POLE2: variants seen among roughly 807,000 people sequenced by gnomAD.
POLE2 encodes DNA polymerase epsilon subunit 2.
A neutral mutation model predicts 79.4 loss-of-function variants in POLE2; 56 were observed. That is an observed-to-expected ratio of 0.71 (90% CI 0.57 to 0.88). The LOEUF is 0.88. POLE2 is among the 40% of genes least tolerant of loss of function. The pLI is 0.00. For missense variants in POLE2, 598 were observed against 638.9 expected (o/e 0.94, Z 0.69); for synonymous variants, 212 against 214.0 (o/e 0.99, Z 0.08).
intron 17 of POLE2, among the ~76,000 whole-genome samples, chr14:49,648,158 G>A (rs1372018081): frequency 6.6e-6 from 1 of 152,166 alleles, no homozygotes; most frequent in Non-Finnish European, 1.5e-5. Flanking sequence ...ACATACAATT[G>A]TTTGTCTACT....
At chr14:49,664,494 AG>A in intron 9 of POLE2, 131 bp downstream of exon 9, 1 of 692,378 alleles carries the variant, frequency 1.4e-6, no homozygotes, top group East Asian at 2.5e-5. Flanking sequence ...ACAGTCTAAG[AG>A]TTATTTTGCC....
chr14:49,644,713 T>C (rs35116175), intron 18 of POLE2, among the ~76,000 whole-genome samples: 448 of 152,054 alleles, frequency 2.9e-3, no homozygotes, highest in Non-Finnish European at 4.4e-3. Flanking sequence ...TATTTAGATA[T>C]ATATACATTT....
At chr14:49,655,128 T>C in intron 11 of POLE2, 34 bp from the exon 12 acceptor site, 2 of 1,041,736 alleles carry the variant, frequency 1.9e-6, no homozygotes, top group Non-Finnish European at 1.4e-6. Context: ...ACAATACTTT[T>C]CTAGTCTACA....
chr14:49,663,532 G>T, intron 9 of POLE2, 145 bp from the exon 10 acceptor site: 1 of 445,414 alleles, frequency 2.2e-6, no homozygotes, highest in Non-Finnish European at 4.0e-6. Flanking sequence ...GAACCACAGT[G>T]AACAACTTTA....
intron 2 of POLE2, among the ~76,000 whole-genome samples, chr14:49,682,425 T>C (rs1448911676): frequency 1.3e-5 from 2 of 151,506 alleles, no homozygotes; most frequent in African/African-American, 2.4e-5. Context: ...TCACCTGAAG[T>C]TGGCGGTTCG....
At chr14:49,686,474 A>G (rs1033129472) in intron 1 of POLE2, among the ~76,000 whole-genome samples, 3 of 152,188 alleles carry the variant, frequency 2.0e-5, no homozygotes, top group African/African-American at 7.2e-5. Context: ...TGTCTGGACA[A>G]CATTTGAGAT....
intron 1 of POLE2, 32 bp from the exon 2 acceptor site, chr14:49,683,725 C>A: frequency 9.0e-7 from 1 of 1,114,392 alleles, no homozygotes; most frequent in South Asian, 1.4e-5. Flanking sequence ...TGAGGCAGGT[C>A]ATTAGTAATT....
intron 3 of POLE2, among the ~76,000 whole-genome samples, chr14:49,678,120 T>C (rs756739355): frequency 6.6e-6 from 1 of 151,822 alleles, no homozygotes; most frequent in Non-Finnish European, 1.5e-5. Flanking sequence ...CTGCCTCAGC[T>C]TCCCAAATAG....
In POLE2 at chr14:49,654,068, C is replaced by A. The variant is rs1390466121; in HGVS notation, c.1134-1G>T. Reference sequence around the variant, plus strand: ...AGTGATGCTTTCAGCAAGTGGTGGCCTATAAAAACAATTTATGTGATATAG... The same window carrying A: ...AGTGATGCTTTCAGCAAGTGGTGGCATATAAAAACAATTTATGTGATATAG... On this transcript the variant is annotated splice_acceptor_variant, in intron 14 of 18. Transcript: ENST00000216367. LOFTEE classifies it high-confidence loss of function. 2 of 1,601,658 alleles carry A rather than the reference C, an allele frequency of 1.2e-6. No individual in the cohort carries two copies. Among genetic ancestry groups the A allele is most frequent in the African/African-American group, 1.3e-5 (1 of 74,722 alleles).
chr14:49,650,182 CTT>C (rs1884106075), intron 17 of POLE2, 81 bp downstream of exon 17: 2 of 665,212 alleles, frequency 3.0e-6, no homozygotes, highest in Non-Finnish European at 4.4e-6. Context: ...CGACAATAAT[CTT>C]ATTAAATATA....
chr14:49,654,087 GAT>G lies in POLE2; in HGVS notation c.1134-22_1134-21del, dbSNP rs748475243. 2 of 1,582,396 alleles carry G rather than the reference GAT, an allele frequency of 1.3e-6. No homozygotes were observed. Among genetic ancestry groups the G allele is most frequent in the African/African-American group, 2.7e-5 (2 of 74,232 alleles). On this transcript the variant is annotated intron_variant, in intron 14 of 18. Coordinates refer to ENST00000216367, the MANE Select transcript of POLE2 (RefSeq NM_002692.4). ...GGTGGCCTATAAAAACAATTTATGT[GAT>G]ATAGTTTATCTTTTTAAGTTTTACA...
At chr14:49,666,298 CA>C in intron 7 of POLE2, 31 bp downstream of exon 7, 3 of 1,131,588 alleles carry the variant, frequency 2.7e-6, no homozygotes, top group Non-Finnish European at 3.9e-6. Context: ...AATCCAAGGC[CA>C]AAAATAAAAG....
At chr14:49,674,945 C>T (rs1487337710) in intron 3 of POLE2, among the ~76,000 whole-genome samples, 1 of 152,128 alleles carries the variant, frequency 6.6e-6, no homozygotes, top group Non-Finnish European at 1.5e-5. Flanking sequence ...GACAAGAAAG[C>T]ATTGCCAAAA....
At chr14:49,673,686 G>T (rs1325683325) in intron 5 of POLE2, among the ~76,000 whole-genome samples, 3 of 152,130 alleles carry the variant, frequency 2.0e-5, no homozygotes, top group Admixed American at 6.6e-5. Flanking sequence ...AGTATAGTAG[G>T]CAATGGTTGG....
intron 3 of POLE2, among the ~76,000 whole-genome samples, chr14:49,676,104 A>C (rs943087020): frequency 2.0e-4 from 30 of 152,216 alleles, no homozygotes; most frequent in African/African-American, 7.2e-4. Context: ...CAATGGAAAA[A>C]GAGCTCCCCC....
intron 1 of POLE2, among the ~76,000 whole-genome samples, chr14:49,687,441 C>G (rs1462260844): frequency 2.0e-5 from 3 of 151,854 alleles, no homozygotes; most frequent in Non-Finnish European, 2.9e-5. Context: ...CCCAGGAAAC[C>G]TGACTTTCAC....
intron 2 of POLE2, among the ~76,000 whole-genome samples, chr14:49,682,517 A>G (rs562949978): frequency 2.7e-5 from 4 of 150,906 alleles, no homozygotes; most frequent in East Asian, 4.0e-4. Context: ...CACACCTGTA[A>G]TCCCAGCTAC....
chr14:49,663,111 G>A (rs1566546167), intron 10 of POLE2, among the ~76,000 whole-genome samples: 1 of 152,106 alleles, frequency 6.6e-6, no homozygotes, highest in Non-Finnish European at 1.5e-5. Context: ...GTACAAAGAC[G>A]GTATTGCAAC....
At chr14:49,685,103 C>T (rs954316717) in intron 1 of POLE2, among the ~76,000 whole-genome samples, 7 of 152,046 alleles carry the variant, frequency 4.6e-5, no homozygotes, top group Admixed American at 2.6e-4. Flanking sequence ...ACACTTTATA[C>T]CTCACATCAA....
Sources: allele counts gnomAD v4.1 joint callset (sites outside exome capture counted in the v4.1 genomes callset), GRCh38; gene constraint gnomAD v4.1.1; transcripts MANE v1.5; gene names NCBI Gene and HGNC (gene_info 2026-07-23, HGNC 2026-07-21).